The following LRRC4C variants were observed in gnomAD, a reference collection of about 807,000 sequenced individuals.
LRRC4C encodes leucine-rich repeat-containing protein 4C.
LRRC4C carries 5 observed loss-of-function variants against 33.6 expected under a neutral mutation model. The ratio of observed to expected loss-of-function variants is 0.15; its 90% confidence interval spans 0.08 to 0.31. The LOEUF is 0.31. Among genes scored for constraint, LRRC4C ranks in the 10% least tolerant of loss-of-function variants. LRRC4C has a pLI of 1.00. For synonymous variants in LRRC4C, 329 were observed against 302.0 expected (o/e 1.09, Z -0.93); for missense variants, 560 against 796.7 (o/e 0.70, Z 3.58).
intron 3 of LRRC4C, 121 bp downstream of exon 3, chr11:40,648,021 G>A (rs1208256461): frequency 6.6e-6 from 1 of 152,168 alleles, no homozygotes; most frequent in Non-Finnish European, 1.5e-5. Flanking sequence ...ACATTCGGGA[G>A]GGAAAAGAAG....
chr11:40,497,224 T>G (rs919846495), intron 3 of LRRC4C, among the ~76,000 whole-genome samples: 3 of 151,884 alleles, frequency 2.0e-5, no homozygotes, highest in Non-Finnish European at 4.4e-5. Context: ...GCTAACATGG[T>G]GAAACCCCGT....
intron 3 of LRRC4C, among the ~76,000 whole-genome samples, chr11:40,577,538 G>T (rs1396755110): frequency 6.6e-6 from 1 of 152,186 alleles, no homozygotes; most frequent in African/African-American, 2.4e-5. Flanking sequence ...AGTGAAAACA[G>T]AGGAAAAGGG....
At chr11:40,545,885 T>C (rs1407094982) in intron 3 of LRRC4C, among the ~76,000 whole-genome samples, 1 of 152,002 alleles carries the variant, frequency 6.6e-6, no homozygotes, top group East Asian at 1.9e-4. Context: ...ATAGAGCAAC[T>C]TGTCATTACG....
chr11:40,765,938 C>T (rs910163394), intron 2 of LRRC4C, among the ~76,000 whole-genome samples: 1 of 151,570 alleles, frequency 6.6e-6, no homozygotes, highest in Non-Finnish European at 1.5e-5. Context: ...AAAAAAATTC[C>T]CAAACCTATA....
At chr11:40,929,810 T>C (rs1283778123) in intron 2 of LRRC4C, among the ~76,000 whole-genome samples, 1 of 152,126 alleles carries the variant, frequency 6.6e-6, no homozygotes, top group African/African-American at 2.4e-5. Context: ...AAAGAGCAAA[T>C]GTTACTAATG....
chr11:40,423,464 C>T (rs1950598774), intron 3 of LRRC4C, among the ~76,000 whole-genome samples: 1 of 151,268 alleles, frequency 6.6e-6, no homozygotes, highest in African/African-American at 2.4e-5. Context: ...CCTGCCTCAG[C>T]CTCCCGAGCA....
At chr11:40,400,536 C>T (rs1256600240) in intron 3 of LRRC4C, among the ~76,000 whole-genome samples, 2 of 152,056 alleles carry the variant, frequency 1.3e-5, no homozygotes, top group Admixed American at 1.3e-4. Flanking sequence ...TTTAATAGCT[C>T]TTCAGTACTA....
At chr11:41,109,544 A>G (rs778136502) in intron 1 of LRRC4C, among the ~76,000 whole-genome samples, 2 of 152,116 alleles carry the variant, frequency 1.3e-5, no homozygotes, top group Non-Finnish European at 2.9e-5. Flanking sequence ...CAATGAAATG[A>G]CAACCTTTTA....
intron 2 of LRRC4C, among the ~76,000 whole-genome samples, chr11:40,670,965 G>A (rs1225855764): frequency 1.3e-5 from 2 of 152,082 alleles, no homozygotes; most frequent in East Asian, 1.9e-4. Flanking sequence ...GGGTTTCACC[G>A]TGTTAGCCAG....
chr11:40,346,359 C>T (rs1565297159), intron 3 of LRRC4C, among the ~76,000 whole-genome samples: 4 of 152,148 alleles, frequency 2.6e-5, no homozygotes, highest in Non-Finnish European at 4.4e-5. Flanking sequence ...CCATAGAATA[C>T]TGTGCAGCCA....
intron 4 of LRRC4C, among the ~76,000 whole-genome samples, chr11:40,303,470 C>T (rs16934700): frequency 0.039 from 5,962 of 152,044 alleles, 158 homozygotes; most frequent in South Asian, 0.048. Context: ...ATAGGCTGCA[C>T]GTTGTGGTTA....
intron 3 of LRRC4C, among the ~76,000 whole-genome samples, chr11:40,463,983 C>A (rs532960638): frequency 3.2e-4 from 49 of 152,096 alleles, no homozygotes; most frequent in African/African-American, 1.2e-3. Flanking sequence ...ACTCATTCTG[C>A]ATGCCCAGAA....
intron 1 of LRRC4C, among the ~76,000 whole-genome samples, chr11:41,020,183 A>G (rs1212044288): frequency 6.6e-6 from 1 of 152,146 alleles, no homozygotes; most frequent in African/African-American, 2.4e-5. Context: ...ATGGAATTAT[A>G]TAGTACAAAA....
chr11:40,197,823 GATCTAGCACAGTACTTCAT>G (rs966334690), intron 5 of LRRC4C, among the ~76,000 whole-genome samples: 1 of 152,038 alleles, frequency 6.6e-6, no homozygotes, highest in African/African-American at 2.4e-5. Flanking sequence ...TGCCTTTCAG[GATCTAGCACAGTACTTCAT>G]ATCTAGTCAG....
Position 40,380,166 on chromosome 11 carries a change from G to A in LRRC4C, c.-269-60445C>T, listed in dbSNP as rs11035812. On this transcript the variant is annotated intron_variant, in intron 3 of 6. Coordinates refer to ENST00000528697, the MANE Select transcript of LRRC4C (RefSeq NM_001258419.2). Reference sequence around the variant, plus strand: ...AAAAATATTTCACGGAGGAGGCTATGCTTCAATTAAACCTGAGGGAGTAGG... The same window carrying A: ...AAAAATATTTCACGGAGGAGGCTATACTTCAATTAAACCTGAGGGAGTAGG... Among the ~76,000 whole-genome samples, 1,567 of 152,256 alleles carry A rather than the reference G, an allele frequency of 0.01. 52 individuals carry two copies. In the East Asian group the frequency reaches 0.13, roughly 13 times the overall value.
intron 2 of LRRC4C, among the ~76,000 whole-genome samples, chr11:40,885,085 A>G (rs1480522888): frequency 6.6e-6 from 1 of 152,070 alleles, no homozygotes; most frequent in Non-Finnish European, 1.5e-5. Context: ...ATCATTATGC[A>G]TTGTATCCTT....
chr11:40,462,922 A>T (rs1952470517), intron 3 of LRRC4C, among the ~76,000 whole-genome samples: 1 of 152,086 alleles, frequency 6.6e-6, no homozygotes, highest in African/African-American at 2.4e-5. Flanking sequence ...CAAAAAATGG[A>T]TGAAGAAAAT....
At chr11:41,374,214 T>C (rs1301546261) in intron 1 of LRRC4C, among the ~76,000 whole-genome samples, 1 of 152,200 alleles carries the variant, frequency 6.6e-6, no homozygotes, top group Admixed American at 6.5e-5. Context: ...TTCATTCTTA[T>C]GTTATTTTCT....
At chr11:40,432,711 T>G (rs1353384694) in intron 3 of LRRC4C, among the ~76,000 whole-genome samples, 1 of 152,188 alleles carries the variant, frequency 6.6e-6, no homozygotes, top group Non-Finnish European at 1.5e-5. Context: ...CAATTTTACT[T>G]TCATCACCTG....
Sources: gnomAD v4.1 joint callset for allele counts (sites outside exome capture counted in the v4.1 genomes callset) on GRCh38, gnomAD v4.1.1 for gene constraint, MANE v1.5 for transcripts, NCBI Gene and HGNC (gene_info 2026-07-23, HGNC 2026-07-21) for gene names.